ULK4: variants seen among roughly 807,000 people sequenced by gnomAD.
ULK4 encodes unc-51 like kinase 4, also known as inactive serine/threonine-protein kinase ULK4.
A neutral mutation model predicts 160.6 loss-of-function variants in ULK4; 133 were observed. The observed-to-expected ratio is 0.83, with a 90% CI of 0.72 to 0.96. The LOEUF (loss-of-function observed/expected upper bound fraction) is 0.96. ULK4 is among the 40% of genes least tolerant of loss of function. The pLI, the probability that ULK4 is intolerant of heterozygous loss-of-function variation, is 0.00. For synonymous variants in ULK4, 534 were observed against 539.8 expected, an observed-to-expected ratio of 0.99 and a Z score of 0.15; for missense variants, 1,580 against 1,499.5, an observed-to-expected ratio of 1.05 and a Z score of -0.89.
chr3:41,656,401 T>C (rs188896154), intron 30 of ULK4, among the ~76,000 whole-genome samples: 15 of 152,330 alleles, frequency 9.8e-5, no homozygotes, highest in African/African-American at 3.4e-4. Flanking sequence ...GATGCTACCA[T>C]CATCAAAAGA....
intron 30 of ULK4, among the ~76,000 whole-genome samples, chr3:41,634,941 T>C (rs944555049): frequency 2.0e-5 from 3 of 152,112 alleles, no homozygotes; most frequent in Non-Finnish European, 4.4e-5. Context: ...GGGAGGAATC[T>C]CAGGGCATAT....
intron 35 of ULK4, among the ~76,000 whole-genome samples, chr3:41,307,191 G>A (rs903014170): frequency 6.6e-6 from 1 of 151,640 alleles, no homozygotes; most frequent in African/African-American, 2.4e-5. Flanking sequence ...AGGACAGTGA[G>A]TGAAGGTGCA....
At chr3:41,818,652 T>C (rs1333631246) in intron 19 of ULK4, among the ~76,000 whole-genome samples, 1 of 152,216 alleles carries the variant, frequency 6.6e-6, no homozygotes, top group Non-Finnish European at 1.5e-5. Flanking sequence ...GGAGTTTTTC[T>C]ACACTTGGAA....
At chr3:41,522,129 CTTT>C (rs57720185) in intron 32 of ULK4, among the ~76,000 whole-genome samples, 4 of 135,938 alleles carry the variant, frequency 2.9e-5, no homozygotes, top group African/African-American at 2.8e-5. Context: ...TCTTTTTTTT[CTTT>C]TTTTTTTTTT....
At chr3:41,920,211 A>G (rs991273046) in intron 5 of ULK4, among the ~76,000 whole-genome samples, 1 of 152,202 alleles carries the variant, frequency 6.6e-6, no homozygotes, top group Non-Finnish European at 1.5e-5. Flanking sequence ...ATAGTCACTC[A>G]AAGACCCAGG....
At chr3:41,385,612 G>C (rs1033243143) in intron 35 of ULK4, among the ~76,000 whole-genome samples, 1 of 152,116 alleles carries the variant, frequency 6.6e-6, no homozygotes, top group South Asian at 2.1e-4. Context: ...GGGAAAAAAA[G>C]TTTCACAAAG....
At chr3:41,782,179 T>C (rs1312982845) in intron 21 of ULK4, among the ~76,000 whole-genome samples, 1 of 151,120 alleles carries the variant, frequency 6.6e-6, no homozygotes, top group Admixed American at 6.6e-5. Flanking sequence ...TTTGGGCAAG[T>C]TCAAGTATGT....
At chr3:41,502,851 T>C (rs975062501) in intron 32 of ULK4, among the ~76,000 whole-genome samples, 10 of 152,200 alleles carry the variant, frequency 6.6e-5, no homozygotes, top group Non-Finnish European at 1.5e-5. Flanking sequence ...GTTTCATATC[T>C]TGATTATGGT....
At chr3:41,677,280 G>A (rs1390430817) in intron 29 of ULK4, among the ~76,000 whole-genome samples, 2 of 150,806 alleles carry the variant, frequency 1.3e-5, no homozygotes, top group African/African-American at 4.9e-5. Flanking sequence ...TTTATAAATG[G>A]TATTATAATC....
intron 19 of ULK4, among the ~76,000 whole-genome samples, chr3:41,804,073 A>G (rs2040558487): frequency 6.6e-6 from 1 of 151,920 alleles, no homozygotes; most frequent in Non-Finnish European, 1.5e-5. Context: ...TGACTTCCAC[A>G]ATGGTTGAAC....
At chr3:41,671,277 A>T (rs1011933681) in intron 29 of ULK4, among the ~76,000 whole-genome samples, 2 of 152,122 alleles carry the variant, frequency 1.3e-5, no homozygotes, top group Non-Finnish European at 2.9e-5. Flanking sequence ...AGGCCAGAAT[A>T]GCTAAAGCAA....
chr3:41,267,018 T>TTG (rs796170171), intron 35 of ULK4, among the ~76,000 whole-genome samples: 4 of 67,434 alleles, frequency 5.9e-5, no homozygotes, highest in South Asian at 8.3e-4. Flanking sequence ...GTGTCTCTAT[T>TTG]GGGGGGGGGG....
chr3:41,814,089 G>C lies in ULK4; in HGVS notation c.1848+5334C>G, dbSNP rs550679858. Among the ~76,000 whole-genome samples, 27 of 152,326 alleles carry C rather than the reference G, an allele frequency of 1.8e-4. No individual in the cohort carries two copies. The East Asian group carries it at 4.1e-3, about 23-fold the overall frequency. On this transcript the variant is annotated intron_variant, in intron 19 of 36. Coordinates refer to ENST00000301831, the MANE Select transcript of ULK4 (RefSeq NM_017886.4). The stretch of plus-strand genomic sequence containing the variant: ...TTTTCACTGCAAACGGGAGGTTTGT[G>C]CTGGCTGTCCTCCTGTGGCAGGTCT...
At chr3:41,914,504 G>C (rs1301447074) in intron 8 of ULK4, among the ~76,000 whole-genome samples, 1 of 152,168 alleles carries the variant, frequency 6.6e-6, no homozygotes, top group African/African-American at 2.4e-5. Flanking sequence ...TAGAATGCAG[G>C]AAATGTATCA....
intron 31 of ULK4, among the ~76,000 whole-genome samples, chr3:41,583,166 G>T (rs747752908): frequency 6.6e-6 from 1 of 152,046 alleles, no homozygotes. Context: ...TCAGAGCTGC[G>T]GTGTGGCAGG....
chr3:41,715,437 A>C lies in ULK4; in HGVS notation c.2577+10T>G. On this transcript the variant is annotated intron_variant, in intron 24 of 36. Coordinates refer to ENST00000301831, the MANE Select transcript of ULK4 (RefSeq NM_017886.4). ...AATTTATATCCTTTTCCTCCTCAATACAATAGTACCTGTGAAGTTACGAGG... is the reference window on the plus strand; with the variant it reads ...AATTTATATCCTTTTCCTCCTCAATCCAATAGTACCTGTGAAGTTACGAGG... 6.2e-7 allele frequency: 1 copy of C among 1,614,116 alleles called. No individual in the cohort carries two copies. Among genetic ancestry groups the C allele is most frequent in the Non-Finnish European group, 8.5e-7 (1 of 1,180,018 alleles).
At chr3:41,774,552 T>C (rs2039530344) in intron 21 of ULK4, among the ~76,000 whole-genome samples, 1 of 148,272 alleles carries the variant, frequency 6.7e-6, no homozygotes, top group Non-Finnish European at 1.5e-5. Context: ...AGAATGGCGA[T>C]CATTAAAAAG....
intron 31 of ULK4, among the ~76,000 whole-genome samples, chr3:41,604,329 AAAAAT>A (rs2032263866): frequency 6.6e-6 from 1 of 152,136 alleles, no homozygotes; most frequent in African/African-American, 2.4e-5. Flanking sequence ...GGAAGTCACT[AAAAAT>A]AAAAGTATAC....
At chr3:41,804,461 T>C (rs2040572539) in intron 19 of ULK4, among the ~76,000 whole-genome samples, 1 of 151,308 alleles carries the variant, frequency 6.6e-6, no homozygotes, top group South Asian at 2.1e-4. Flanking sequence ...TAGTTTCTTT[T>C]GCTGTGCAGA....
Sources: allele counts gnomAD v4.1 joint callset (sites outside exome capture counted in the v4.1 genomes callset), GRCh38; gene constraint gnomAD v4.1.1; transcripts MANE v1.5; gene names NCBI Gene and HGNC (gene_info 2026-07-23, HGNC 2026-07-21).